DIAPH2: variants seen among roughly 807,000 people sequenced by gnomAD.
The protein encoded by DIAPH2 is protein diaphanous homolog 2.
A neutral mutation model predicts 92.7 loss-of-function variants in DIAPH2; 35 were observed. The ratio of observed to expected loss-of-function variants is 0.38; its 90% CI spans 0.29 to 0.50. The LOEUF (loss-of-function observed/expected upper bound fraction) is 0.50, where lower values mean the gene tolerates loss of function less well. Ranked by LOEUF, DIAPH2 falls within the 20% of genes least tolerant of loss-of-function variation. DIAPH2 has a pLI of 0.94. For synonymous variants in DIAPH2, 301 were observed against 280.4 expected (o/e 1.07, Z -0.73); for missense variants, 701 against 819.5 (o/e 0.86, Z 1.77).
chrX:96,701,157 G>A (rs1363408348), intron 1 of DIAPH2, among the ~76,000 whole-genome samples: 1 of 111,302 alleles, frequency 9.0e-6, no homozygotes, highest in Non-Finnish European at 1.9e-5. Flanking sequence ...TAGAGAGCCA[G>A]TTCATTTCTG....
intron 17 of DIAPH2, among the ~76,000 whole-genome samples, chrX:96,976,924 T>C (rs1304247287): frequency 1.8e-5 from 2 of 111,695 alleles, no homozygotes; most frequent in Non-Finnish European, 3.8e-5. Context: ...CCCTAGGTAC[T>C]TGTATTGTTG....
intron 17 of DIAPH2, among the ~76,000 whole-genome samples, chrX:97,020,745 C>T (rs1455392418): frequency 1.8e-5 from 2 of 111,763 alleles, no homozygotes; most frequent in Non-Finnish European, 3.8e-5. Flanking sequence ...ATTTATGTTC[C>T]AGGCGGGATG....
At chrX:96,861,898 T>C (rs1323890294) in intron 4 of DIAPH2, among the ~76,000 whole-genome samples, 1 of 112,189 alleles carries the variant, frequency 8.9e-6, no homozygotes, top group East Asian at 2.8e-4. Flanking sequence ...CTCTCATCAC[T>C]GAATCTTCCA....
intron 17 of DIAPH2, among the ~76,000 whole-genome samples, chrX:97,070,037 C>A (rs2066658717): frequency 9.0e-6 from 1 of 111,320 alleles, no homozygotes; most frequent in South Asian, 3.8e-4. Flanking sequence ...TAATGAGTAT[C>A]TTGATGTTAA....
intron 4 of DIAPH2, among the ~76,000 whole-genome samples, chrX:96,826,997 T>A (rs1355585715): frequency 2.7e-5 from 3 of 112,547 alleles, no homozygotes; most frequent in African/African-American, 9.7e-5. Flanking sequence ...ATGTGAAATT[T>A]AATGTTTAAA....
chrX:96,978,907 G>C (rs1208363627), intron 17 of DIAPH2, among the ~76,000 whole-genome samples: 1 of 111,008 alleles, frequency 9.0e-6, no homozygotes, highest in Non-Finnish European at 1.9e-5. Context: ...AGTTCCTCCA[G>C]AGTGATTGGA....
intron 23 of DIAPH2, among the ~76,000 whole-genome samples, chrX:97,303,170 A>G (rs753723273): frequency 8.9e-6 from 1 of 112,162 alleles, no homozygotes; most frequent in South Asian, 3.7e-4. Flanking sequence ...ACTTATATGA[A>G]TAAAAGGTCT....
At chrX:96,815,035 T>C (rs1047366544) in intron 4 of DIAPH2, among the ~76,000 whole-genome samples, 4 of 112,184 alleles carry the variant, frequency 3.6e-5, no homozygotes, top group Non-Finnish European at 7.5e-5. Flanking sequence ...AGTTCAAACC[T>C]CCGTGCTGGG....
At chrX:97,305,824 CAAAAAA>C (rs754094514) in intron 23 of DIAPH2, among the ~76,000 whole-genome samples, 1 of 49,223 alleles carries the variant, frequency 2.0e-5, no homozygotes. Flanking sequence ...ACTCCTTCTC[CAAAAAA>C]AAAAAAAAAA....
At chrX:96,926,057 A>G (rs180729772) in intron 9 of DIAPH2, among the ~76,000 whole-genome samples, 2 of 111,756 alleles carry the variant, frequency 1.8e-5, no homozygotes, top group East Asian at 5.6e-4. Context: ...GAACAGTGTC[A>G]ATAAAATTTT....
At chrX:96,937,487 A>G (rs760532868) in intron 11 of DIAPH2, 136 bp downstream of exon 11, 7 of 360,854 alleles carry the variant, frequency 1.9e-5, no homozygotes, top group Middle Eastern at 6.1e-4. Context: ...GAACCTTACT[A>G]TGATGCTGTC....
intron 26 of DIAPH2, among the ~76,000 whole-genome samples, chrX:97,535,250 CA>C (rs746472645): frequency 1.0e-3 from 112 of 112,060 alleles, no homozygotes; most frequent in Middle Eastern, 4.6e-3. Flanking sequence ...ATATTTACAA[CA>C]GGGGAAAGTG....
In DIAPH2 at chrX:97,086,980, G is replaced by T. The variant is rs755731138; in HGVS notation, c.2247+11719G>T. Among the ~76,000 whole-genome samples, 5 of 111,618 alleles carry T rather than the reference G, an allele frequency of 4.5e-5. No individual in the cohort carries two copies. The East Asian group carries it at 1.4e-3, about 31-fold the overall frequency. ...AGTTTACTAATTAAAAACACTTAGT[G>T]CAATCTCTGTCATTGGAAGTCAGAG... is the stretch of plus-strand genomic sequence containing the variant. On this transcript the variant is annotated intron_variant, in intron 19 of 26. Coordinates refer to ENST00000324765, the MANE Select transcript of DIAPH2 (RefSeq NM_006729.5).
intron 3 of DIAPH2, among the ~76,000 whole-genome samples, chrX:96,742,802 G>A (rs765360158): frequency 4.5e-5 from 5 of 110,239 alleles, no homozygotes; most frequent in African/African-American, 6.6e-5. Flanking sequence ...AAGTAGCTGG[G>A]ATTACAGGTG....
chrX:97,436,517 A>G (rs950449037), intron 26 of DIAPH2, among the ~76,000 whole-genome samples: 1 of 112,082 alleles, frequency 8.9e-6, no homozygotes, highest in Non-Finnish European at 1.9e-5. Flanking sequence ...CCATTTGAGA[A>G]CAGATAGGGG....
chrX:97,330,208 C>G, intron 23 of DIAPH2, among the ~76,000 whole-genome samples: 1 of 108,110 alleles, frequency 9.2e-6, no homozygotes, highest in Admixed American at 1.0e-4. Flanking sequence ...GAAATCTACC[C>G]TCTTAATAAA....
chrX:97,486,069 G>A (rs1381039123), intron 26 of DIAPH2, among the ~76,000 whole-genome samples: 1 of 109,075 alleles, frequency 9.2e-6, no homozygotes, highest in African/African-American at 3.3e-5. Flanking sequence ...ATAGAGATCA[G>A]CATTTCTTTT....
At chrX:96,973,912 C>G (rs1423679740) in intron 17 of DIAPH2, among the ~76,000 whole-genome samples, 3 of 110,613 alleles carry the variant, frequency 2.7e-5, no homozygotes, top group Non-Finnish European at 5.7e-5. Flanking sequence ...TCAGGCTGGT[C>G]TCGAACTCCC....
At chrX:97,021,070 G>A (rs1455729183) in intron 17 of DIAPH2, among the ~76,000 whole-genome samples, 1 of 112,185 alleles carries the variant, frequency 8.9e-6, no homozygotes, top group Non-Finnish European at 1.9e-5. Flanking sequence ...ATTACTCTTG[G>A]TTTCTTCAGA....
Sources: gnomAD v4.1 joint callset for allele counts (sites outside exome capture counted in the v4.1 genomes callset) on GRCh38, gnomAD v4.1.1 for gene constraint, MANE v1.5 for transcripts, NCBI Gene and HGNC (gene_info 2026-07-23, HGNC 2026-07-21) for gene names.